Variants in TRIO observed in about 807,000 individuals in gnomAD.
The protein encoded by TRIO is trio Rho guanine nucleotide exchange factor, also known as triple functional domain protein.
TRIO carries 58 observed loss-of-function variants against 351.9 expected under a neutral mutation model. The ratio of observed to expected loss-of-function variants is 0.16; its 90% CI spans 0.13 to 0.21. The LOEUF (loss-of-function observed/expected upper bound fraction) is 0.21. Among genes scored for constraint, TRIO ranks in the 10% least tolerant of loss-of-function variants. The pLI, the probability that TRIO is intolerant of heterozygous loss-of-function variation, is 1.00. For missense variants in TRIO, 3,201 were observed against 4,027.8 expected, an observed-to-expected ratio of 0.79 and a Z score of 5.56; for synonymous variants, 1,758 against 1,595.7, an observed-to-expected ratio of 1.10 and a Z score of -2.42.
At chr5:14,475,636 G>A (rs1158832215) in intron 40 of TRIO, among the ~76,000 whole-genome samples, 3 of 152,184 alleles carry the variant, frequency 2.0e-5, no homozygotes, top group Non-Finnish European at 4.4e-5. Flanking sequence ...TTTAGAAACA[G>A]CACTCCAGTT....
chr5:14,152,356 GTTTT>G (rs1232210869), intron 1 of TRIO, among the ~76,000 whole-genome samples: 46 of 136,444 alleles, frequency 3.4e-4, no homozygotes, highest in East Asian at 1.3e-3. Context: ...ATGTATTTCA[GTTTT>G]TTTGTTTGTT....
intron 28 of TRIO, among the ~76,000 whole-genome samples, chr5:14,394,920 G>A (rs920357142): frequency 6.6e-6 from 1 of 152,100 alleles, no homozygotes; most frequent in African/African-American, 2.4e-5. Context: ...GTCTGGTAAT[G>A]TTCAGCATAC....
At chr5:14,396,344 T>C (rs1334544591) in intron 28 of TRIO, among the ~76,000 whole-genome samples, 1 of 150,712 alleles carries the variant, frequency 6.6e-6, no homozygotes, top group Non-Finnish European at 1.5e-5. Flanking sequence ...AGAGTCACGC[T>C]GGGATTGTGT....
chr5:14,254,145 C>T (rs983181670), intron 1 of TRIO, among the ~76,000 whole-genome samples: 1 of 151,930 alleles, frequency 6.6e-6, no homozygotes, highest in African/African-American at 2.4e-5. Flanking sequence ...AAATAGAACC[C>T]ACGTAATGCA....
chr5:14,167,232 T>G (rs539437631), intron 1 of TRIO, among the ~76,000 whole-genome samples: 3 of 151,850 alleles, frequency 2.0e-5, no homozygotes, highest in Admixed American at 6.6e-5. Flanking sequence ...ACAGTAACTC[T>G]GGGGGGAAGA....
chr5:14,185,134 C>G (rs952683770), intron 1 of TRIO, among the ~76,000 whole-genome samples: 1 of 150,264 alleles, frequency 6.7e-6, no homozygotes. Flanking sequence ...TCCACTTCCC[C>G]CATAAAATTC....
At chr5:14,166,231 T>C (rs1409246338) in intron 1 of TRIO, among the ~76,000 whole-genome samples, 11 of 152,340 alleles carry the variant, frequency 7.2e-5, no homozygotes, top group Non-Finnish European at 7.3e-5. Flanking sequence ...CCCCTTCTTT[T>C]CTGCCCCAAG....
At position 14,368,836 on chromosome 5, in the gene TRIO, C is replaced by G; in HGVS notation, c.3003C>G (p.Leu1001=). The G allele has an allele frequency of 6.8e-6, 11 of 1,614,162 alleles. No individual in the cohort carries two copies. The highest frequency in any genetic ancestry group is 9.3e-6 in the Non-Finnish European group (11 of 1,180,036). ...CGTCTCACTGGCAACAGCTCATGCT[C>G]AAGATGGAAGATCGCCTCAAGCTCG... The part of the protein sequence containing the change: ...KVASHWQQLM[L]KMEDRLKLVN... The change falls in exon 17 of 57, where the codon CTC becomes CTG. Residue 1001 remains leucine, a synonymous_variant. Transcript: ENST00000344204.
chr5:14,281,701 A>T (rs1736021415), intron 3 of TRIO, among the ~76,000 whole-genome samples: 1 of 152,142 alleles, frequency 6.6e-6, no homozygotes, highest in East Asian at 1.9e-4. Flanking sequence ...TGTCTCTTTT[A>T]TTCCAGAAAG....
intron 11 of TRIO, among the ~76,000 whole-genome samples, chr5:14,357,931 G>A (rs764658629): frequency 1.2e-4 from 18 of 152,148 alleles, no homozygotes; most frequent in South Asian, 4.2e-4. Context: ...GCTGCCCGCC[G>A]TTCGCCTGTT....
chr5:14,197,516 T>A (rs908047053), intron 1 of TRIO, among the ~76,000 whole-genome samples: 6 of 152,220 alleles, frequency 3.9e-5, no homozygotes, highest in South Asian at 2.1e-4. Context: ...TAGTCAGGGC[T>A]TTTGGTTGCA....
At chr5:14,380,493 G>T (rs1049055272) in intron 20 of TRIO, among the ~76,000 whole-genome samples, 1 of 152,068 alleles carries the variant, frequency 6.6e-6, no homozygotes, top group Admixed American at 6.6e-5. Flanking sequence ...GCTCCCCAGG[G>T]CGGCTGACTC....
At chr5:14,507,386 G>T in intron 56 of TRIO, 126 bp downstream of exon 56, 1 of 1,369,322 alleles carries the variant, frequency 7.3e-7, no homozygotes, top group Non-Finnish European at 9.8e-7. Flanking sequence ...GGGTGGGTGG[G>T]GCAGCGCAGA....
rs77492795 is a variant in TRIO at position 14,286,265 on chromosome 5, C to T, written c.348-606C>T. ...GCCTGCCAGAAGGGTGCCAAGAACT[C>T]CCAGGGACGGGTGGATGGTATGGAA... On this transcript the variant is annotated intron_variant, in intron 3 of 56. Coordinates refer to ENST00000344204, the MANE Select transcript of TRIO (RefSeq NM_007118.4). The surrounding 1 kb of genome is among the most constrained non-coding windows in gnomAD (Gnocchi z 4.4). Among the ~76,000 whole-genome samples the T allele has an allele frequency of 4.2e-3, 636 of 152,194 alleles. 4 individuals carry two copies. Among genetic ancestry groups the T allele is most frequent in the Non-Finnish European group, 7.1e-3 (480 of 67,994 alleles).
At chr5:14,323,514 A>T (rs1320459989) in intron 9 of TRIO, among the ~76,000 whole-genome samples, 1 of 41,984 alleles carries the variant, frequency 2.4e-5, no homozygotes, top group African/African-American at 1.9e-4. Context: ...ACAGCCACTT[A>T]AGAACAGAGA....
intron 1 of TRIO, among the ~76,000 whole-genome samples, chr5:14,198,966 G>A (rs1430702201): frequency 5.9e-5 from 9 of 151,894 alleles, no homozygotes; most frequent in Admixed American, 1.3e-4. Context: ...GGCCGGGTGC[G>A]GTGGCTCACG....
At chr5:14,278,224 A>C (rs577507965) in intron 2 of TRIO, among the ~76,000 whole-genome samples, 1 of 152,338 alleles carries the variant, frequency 6.6e-6, no homozygotes, top group Admixed American at 6.5e-5. Context: ...ACTTCTGCAC[A>C]GAGCTGCCTT....
At chr5:14,379,657 C>T (rs1450800790) in intron 20 of TRIO, among the ~76,000 whole-genome samples, 1 of 152,240 alleles carries the variant, frequency 6.6e-6, no homozygotes, top group Non-Finnish European at 1.5e-5. Flanking sequence ...AGGTTCTTTT[C>T]TCACATAACT....
chr5:14,348,657 C>CTG (rs999666665), intron 11 of TRIO, among the ~76,000 whole-genome samples: 1 of 144,620 alleles, frequency 6.9e-6, no homozygotes, highest in Non-Finnish European at 1.5e-5. Flanking sequence ...CCTGTTTTTC[C>CTG]TGTGTGTATA....
Sources: gnomAD v4.1 joint callset for allele counts (sites outside exome capture counted in the v4.1 genomes callset) on GRCh38, gnomAD v4.1.1 for gene constraint, Gnocchi (gnomAD v3.1) non-coding constraint, MANE v1.5 for transcripts, NCBI Gene and HGNC (gene_info 2026-07-23, HGNC 2026-07-21) for gene names.